The following DGKB variants were observed in gnomAD, a reference collection of about 807,000 sequenced individuals.
The protein encoded by DGKB is 90 kDa diacylglycerol kinase.
A neutral mutation model predicts 114.3 loss-of-function variants in DGKB; 67 were observed. The observed-to-expected ratio is 0.59, with a 90% confidence interval of 0.48 to 0.72. DGKB has a LOEUF of 0.72. Among genes scored for constraint, DGKB ranks in the 30% least tolerant of loss-of-function variants. DGKB has a pLI of 0.00. For synonymous variants in DGKB, 398 were observed against 323.1 expected (o/e 1.23, Z -2.49); for missense variants, 907 against 975.2 (o/e 0.93, Z 0.93).
At chr7:14,724,053 T>C (rs1472584246) in intron 5 of DGKB, among the ~76,000 whole-genome samples, 1 of 152,192 alleles carries the variant, frequency 6.6e-6, no homozygotes, top group Non-Finnish European at 1.5e-5. Context: ...AACAGTGACA[T>C]TTTCTCTATT....
At chr7:14,269,572 G>A (rs1006020527) in intron 23 of DGKB, among the ~76,000 whole-genome samples, 1 of 152,218 alleles carries the variant, frequency 6.6e-6, no homozygotes, top group South Asian at 2.1e-4. Flanking sequence ...CTCCACCTCT[G>A]AGTCTTACAA....
rs909488004 is a variant in DGKB at position 14,316,085 on chromosome 7, C to T, written c.2122+22430G>A. On this transcript the variant is annotated intron_variant, in intron 23 of 25. Transcript: ENST00000402815. ...AAATAAAGATGTTCTTTGAAACCAACGAGAACAAAGACACAACATACCAGA... is the reference window on the plus strand; with the variant it reads ...AAATAAAGATGTTCTTTGAAACCAATGAGAACAAAGACACAACATACCAGA... Among the ~76,000 whole-genome samples the T allele has an allele frequency of 2.3e-3, 350 of 150,220 alleles. 4 individuals carry two copies. Among genetic ancestry groups the T allele is most frequent in the African/African-American group, 8.0e-3 (322 of 40,404 alleles).
In DGKB at chr7:14,274,942, AGTGTGT is replaced by A. The variant is rs10538591; in HGVS notation, c.2122+63567_2122+63572del. On this transcript the variant is annotated intron_variant, in intron 23 of 25. Transcript: ENST00000402815. Reference sequence around the variant, plus strand: ...TGGGGGGTGCACTTCAGTCCATAGCAGTGTGTGTGTGTGTGTGTGTGTGTGTGTGTG... The same window carrying A: ...TGGGGGGTGCACTTCAGTCCATAGCAGTGTGTGTGTGTGTGTGTGTGTGTG... Among the ~76,000 whole-genome samples the A allele has an allele frequency of 8.7e-3, 1,270 of 146,368 alleles. 15 individuals are homozygous for A. The highest frequency in any genetic ancestry group is 0.027 in the African/African-American group (1,095 of 40,148).
At chr7:14,874,106 A>C (rs2128202440) in intron 1 of DGKB, among the ~76,000 whole-genome samples, 1 of 152,238 alleles carries the variant, frequency 6.6e-6, no homozygotes, top group East Asian at 1.9e-4. Context: ...AAGATGAAGA[A>C]GGGATGTACT....
intron 20 of DGKB, among the ~76,000 whole-genome samples, chr7:14,532,100 G>A (rs1791686135): frequency 6.6e-6 from 1 of 151,280 alleles, no homozygotes; most frequent in Non-Finnish European, 1.5e-5. Context: ...GAACACTGTA[G>A]TACTTTTAGA....
chr7:14,493,253 G>A (rs569505728), intron 20 of DGKB, among the ~76,000 whole-genome samples: 34 of 152,104 alleles, frequency 2.2e-4, no homozygotes, highest in Non-Finnish European at 3.4e-4. Context: ...TATCTACAGG[G>A]TATACATTCT....
chr7:14,188,483 ACC>A (rs1449593940), intron 23 of DGKB, among the ~76,000 whole-genome samples: 1 of 128,152 alleles, frequency 7.8e-6, no homozygotes, highest in Non-Finnish European at 1.7e-5. Flanking sequence ...AAACGGTGAA[ACC>A]CCGTCTCTAC....
At chr7:14,931,694 C>G (rs1308887453) in intron 1 of DGKB, among the ~76,000 whole-genome samples, 1 of 152,146 alleles carries the variant, frequency 6.6e-6, no homozygotes, top group Non-Finnish European at 1.5e-5. Context: ...TCCTCTCAGA[C>G]CACGGCTGTG....
intron 21 of DGKB, among the ~76,000 whole-genome samples, chr7:14,436,316 G>A (rs1563180139): frequency 6.6e-6 from 1 of 152,054 alleles, no homozygotes; most frequent in African/African-American, 2.4e-5. Context: ...AGTATTGAAT[G>A]TTTAGCTCTT....
At chr7:14,444,470 G>T (rs1035492987) in intron 21 of DGKB, among the ~76,000 whole-genome samples, 1 of 151,814 alleles carries the variant, frequency 6.6e-6, no homozygotes, top group African/African-American at 2.4e-5. Context: ...TCAGGTGGAT[G>T]AATAAGAATT....
chr7:14,830,917 A>G (rs1229426458), intron 2 of DGKB, among the ~76,000 whole-genome samples: 3 of 151,936 alleles, frequency 2.0e-5, no homozygotes, highest in African/African-American at 7.2e-5. Flanking sequence ...ACACACATGC[A>G]CATGTGTGTG....
At chr7:14,669,081 A>T (rs951020392) in intron 13 of DGKB, among the ~76,000 whole-genome samples, 1 of 152,178 alleles carries the variant, frequency 6.6e-6, no homozygotes, top group Non-Finnish European at 1.5e-5. Flanking sequence ...TAGGTGACAC[A>T]GGCTTCTTAC....
rs957899500 is a variant in DGKB at position 14,912,259 on chromosome 7, C to T, written c.-188+62437G>A. Among the ~76,000 whole-genome samples the T allele has an allele frequency of 5.9e-5, 9 of 152,082 alleles. No individual in the cohort carries two copies. In the East Asian group the frequency reaches 1.7e-3, roughly 29 times the overall value. ...TTCATATCTAGATCTCCAAATAGGC[C>T]TATTTCCTAATGTTTCTAAGCCCAG... On this transcript the variant is annotated intron_variant, in intron 1 of 4. Coordinates refer to the DGKB transcript ENST00000437998.
At chr7:14,613,472 T>A (rs992586675) in intron 15 of DGKB, 59 bp from the exon 16 acceptor site, 73 of 780,258 alleles carry the variant, frequency 9.4e-5, no homozygotes, top group Non-Finnish European at 1.4e-4. Context: ...TGAAGAAGAC[T>A]CCTTGTTATT....
At chr7:14,452,624 A>T (rs1831692656) in intron 21 of DGKB, among the ~76,000 whole-genome samples, 1 of 152,082 alleles carries the variant, frequency 6.6e-6, no homozygotes, top group Non-Finnish European at 1.5e-5. Flanking sequence ...TCAGAAGACT[A>T]TAAAGACAAA....
intron 1 of DGKB, among the ~76,000 whole-genome samples, chr7:14,910,564 C>T (rs191739731): frequency 1.3e-5 from 2 of 152,090 alleles, no homozygotes; most frequent in African/African-American, 2.4e-5. Flanking sequence ...CAACAAATAA[C>T]ACCTTATTTA....
intron 1 of DGKB, among the ~76,000 whole-genome samples, chr7:14,962,240 C>T (rs1008543930): frequency 2.0e-5 from 3 of 152,070 alleles, no homozygotes; most frequent in African/African-American, 7.2e-5. Flanking sequence ...AGTACCATTT[C>T]TTCAATTTCA....
At chr7:14,164,360 A>G (rs1554269246) in intron 25 of DGKB, among the ~76,000 whole-genome samples, 2 of 152,204 alleles carry the variant, frequency 1.3e-5, no homozygotes, top group Non-Finnish European at 2.9e-5. Flanking sequence ...TTAACTAGAA[A>G]ATAATATTAT....
intron 21 of DGKB, among the ~76,000 whole-genome samples, chr7:14,406,833 T>C (rs187720232): frequency 6.6e-6 from 1 of 152,218 alleles, no homozygotes; most frequent in African/African-American, 2.4e-5. Context: ...TCAAGTGCTA[T>C]TGCTAGTCTG....
Sources: allele counts gnomAD v4.1 joint callset (sites outside exome capture counted in the v4.1 genomes callset), GRCh38; gene constraint gnomAD v4.1.1; transcripts MANE v1.5; gene names NCBI Gene and HGNC (gene_info 2026-07-23, HGNC 2026-07-21).